The following FHIT variants were observed in gnomAD, a reference collection of about 807,000 sequenced individuals.
FHIT encodes bis(5'-adenosyl)-triphosphatase.
A neutral mutation model predicts 17.9 loss-of-function variants in FHIT; 19 were observed. That is an observed-to-expected ratio of 1.06 (90% CI 0.74 to 1.56). The LOEUF is 1.56. FHIT is among the 40% of genes most tolerant of loss of function. The pLI, the probability that FHIT is intolerant of heterozygous loss-of-function variation, is 0.00. For missense variants in FHIT, 248 were observed against 189.2 expected (o/e 1.31, Z -1.82); for synonymous variants, 81 against 69.7 (o/e 1.16, Z -0.81).
intron 1 of FHIT, among the ~76,000 whole-genome samples, chr3:61,213,536 G>C (rs140869164): frequency 4.1e-4 from 63 of 152,290 alleles, no homozygotes; most frequent in African/African-American, 1.5e-3. Context: ...AAGAGACTTA[G>C]ACTCCCACAC....
chr3:60,013,875 T>C (rs1214614570), intron 6 of FHIT, 132 bp downstream of exon 6: 1 of 903,578 alleles, frequency 1.1e-6, no homozygotes, highest in Non-Finnish European at 1.7e-6. Flanking sequence ...GCATTAGAAA[T>C]CTCTTTTTTT....
At chr3:60,433,818 T>G (rs890922367) in intron 5 of FHIT, among the ~76,000 whole-genome samples, 3 of 152,150 alleles carry the variant, frequency 2.0e-5, no homozygotes, top group Non-Finnish European at 4.4e-5. Context: ...ATATTTTGCA[T>G]ATTAGATGCA....
chr3:61,113,590 G>A (rs1303558484), intron 2 of FHIT, among the ~76,000 whole-genome samples: 1 of 152,012 alleles, frequency 6.6e-6, no homozygotes, highest in East Asian at 1.9e-4. Flanking sequence ...CCCCACACCT[G>A]GGTTATTTCC....
chr3:60,946,750 C>A (rs1708657703), intron 3 of FHIT, among the ~76,000 whole-genome samples: 1 of 152,094 alleles, frequency 6.6e-6, no homozygotes, highest in South Asian at 2.1e-4. Context: ...ACTCCACTGT[C>A]AGACACTGAG....
At chr3:60,259,732 C>T (rs1706197900) in intron 5 of FHIT, among the ~76,000 whole-genome samples, 1 of 151,966 alleles carries the variant, frequency 6.6e-6, no homozygotes. Context: ...GCTAGGCTGC[C>T]CAACTCAAAA....
At chr3:60,972,150 T>C (rs942670528) in intron 3 of FHIT, among the ~76,000 whole-genome samples, 2 of 152,222 alleles carry the variant, frequency 1.3e-5, no homozygotes, top group African/African-American at 2.4e-5. Context: ...TCCATATTCA[T>C]AGACACTTAC....
At chr3:60,201,984 T>C (rs776162488) in intron 5 of FHIT, among the ~76,000 whole-genome samples, 2 of 152,178 alleles carry the variant, frequency 1.3e-5, no homozygotes, top group African/African-American at 2.4e-5. Context: ...TGTCCCAGGA[T>C]TGCCCACATA....
chr3:60,652,542 G>A (rs1553688545), intron 4 of FHIT, among the ~76,000 whole-genome samples: 1 of 152,058 alleles, frequency 6.6e-6, no homozygotes, highest in Non-Finnish European at 1.5e-5. Context: ...GACCATCCTG[G>A]CTAATATGGT....
chr3:60,960,470 C>A (rs184725935), intron 3 of FHIT, among the ~76,000 whole-genome samples: 2 of 152,260 alleles, frequency 1.3e-5, no homozygotes, highest in Non-Finnish European at 2.9e-5. Flanking sequence ...ATGTGCACAA[C>A]GTGCAGGTTT....
chr3:60,714,389 T>C lies in FHIT; in HGVS notation c.-18+107530A>G, dbSNP rs541860153. Among the ~76,000 whole-genome samples, 36 of 152,118 alleles carry C rather than the reference T, an allele frequency of 2.4e-4. No homozygotes were observed. In the South Asian group the frequency reaches 7.5e-3, roughly 32 times the overall value. The stretch of plus-strand genomic sequence containing the variant: ...AAACTGGCACAAGACAGGGATGCCC[T>C]CTCTCACCACTCCTATTCAACATAG... On this transcript the variant is annotated intron_variant, in intron 4 of 9. Transcript: ENST00000492590.
At chr3:60,881,960 CT>C (rs1559798227) in intron 3 of FHIT, among the ~76,000 whole-genome samples, 1 of 151,786 alleles carries the variant, frequency 6.6e-6, no homozygotes, top group Non-Finnish European at 1.5e-5. Flanking sequence ...ATTTTTAAAA[CT>C]TTTTTTGAAA....
intron 4 of FHIT, among the ~76,000 whole-genome samples, chr3:60,808,391 C>A (rs1444801539): frequency 1.3e-5 from 2 of 151,970 alleles, no homozygotes; most frequent in Non-Finnish European, 2.9e-5. Context: ...AATTAAATAT[C>A]CTTTAATTTT....
At chr3:60,872,650 G>A (rs1053055398) in intron 3 of FHIT, among the ~76,000 whole-genome samples, 32 of 151,988 alleles carry the variant, frequency 2.1e-4, no homozygotes, top group Admixed American at 1.6e-3. Flanking sequence ...AGCCCATAAC[G>A]GCAATTTTCC....
intron 5 of FHIT, among the ~76,000 whole-genome samples, chr3:60,439,751 G>C (rs888838472): frequency 6.6e-6 from 1 of 152,108 alleles, no homozygotes; most frequent in African/African-American, 2.4e-5. Flanking sequence ...TCCTCAAAGA[G>C]CAGAAGTGCA....
chr3:61,096,103 G>C (rs1257596498), intron 2 of FHIT, among the ~76,000 whole-genome samples: 1 of 152,178 alleles, frequency 6.6e-6, no homozygotes, highest in East Asian at 1.9e-4. Context: ...TCATAACCAA[G>C]AGCTTTTCAC....
intron 5 of FHIT, among the ~76,000 whole-genome samples, chr3:60,156,065 C>T (rs888511522): frequency 1.3e-5 from 2 of 152,004 alleles, no homozygotes; most frequent in African/African-American, 4.8e-5. Context: ...TAAAAAAGAT[C>T]ATTTAGGGCC....
chr3:60,868,938 A>C (rs1319925551), intron 3 of FHIT, among the ~76,000 whole-genome samples: 1 of 152,066 alleles, frequency 6.6e-6, no homozygotes, highest in African/African-American at 2.4e-5. Context: ...TGAGAAACTT[A>C]ATTATCTACA....
chr3:60,757,198 A>C (rs1200406319), intron 4 of FHIT, among the ~76,000 whole-genome samples: 3 of 152,174 alleles, frequency 2.0e-5, no homozygotes, highest in Non-Finnish European at 4.4e-5. Flanking sequence ...TTTTTTCACT[A>C]TTGCATAAAT....
At chr3:60,876,627 T>C (rs1312424380) in intron 3 of FHIT, among the ~76,000 whole-genome samples, 1 of 152,188 alleles carries the variant, frequency 6.6e-6, no homozygotes, top group East Asian at 1.9e-4. Flanking sequence ...TGTATTTAAG[T>C]AGACATTATT....
Sources: gnomAD v4.1 joint callset for allele counts (sites outside exome capture counted in the v4.1 genomes callset) on GRCh38, gnomAD v4.1.1 for gene constraint, MANE v1.5 for transcripts, NCBI Gene and HGNC (gene_info 2026-07-23, HGNC 2026-07-21) for gene names.